The following NUP93 variants were observed in gnomAD, a reference collection of about 807,000 sequenced individuals.
NUP93 encodes nuclear pore complex protein Nup93.
NUP93 carries 55 observed loss-of-function variants against 107.8 expected under a neutral mutation model. The observed-to-expected ratio is 0.51, with a 90% confidence interval of 0.41 to 0.64. NUP93 has a LOEUF of 0.64. Ranked by LOEUF, NUP93 falls within the 30% of genes least tolerant of loss-of-function variation. NUP93 has a pLI of 0.00. For synonymous variants in NUP93, 390 were observed against 397.5 expected, an observed-to-expected ratio of 0.98 and a Z score of 0.22; for missense variants, 937 against 1,044.7, an observed-to-expected ratio of 0.90 and a Z score of 1.42.
At chr16:56,779,203 A>G (rs1261011487) in intron 3 of NUP93, among the ~76,000 whole-genome samples, 3 of 152,196 alleles carry the variant, frequency 2.0e-5, no homozygotes, top group Non-Finnish European at 2.9e-5. Flanking sequence ...AAAGTTCTAT[A>G]TATGGTCACT....
intron 1 of NUP93, among the ~76,000 whole-genome samples, chr16:56,746,528 A>T (rs1282154508): frequency 6.6e-6 from 1 of 152,260 alleles, no homozygotes; most frequent in Non-Finnish European, 1.5e-5. Context: ...GGAACTTCAT[A>T]AAGAATACCA....
chr16:56,733,749 G>A (rs1470879392), intron 1 of NUP93, among the ~76,000 whole-genome samples: 2 of 152,134 alleles, frequency 1.3e-5, no homozygotes, highest in Non-Finnish European at 2.9e-5. Flanking sequence ...AGTCCTCCTA[G>A]CTCACTTATT....
intron 1 of NUP93, among the ~76,000 whole-genome samples, chr16:56,740,214 T>C: frequency 7.2e-6 from 1 of 139,180 alleles, no homozygotes; most frequent in Admixed American, 7.0e-5. Flanking sequence ...GCGGAGAGGC[T>C]CCTCACTTCT....
intron 4 of NUP93, among the ~76,000 whole-genome samples, chr16:56,802,765 T>C (rs1237839223): frequency 5.3e-5 from 8 of 152,220 alleles, no homozygotes; most frequent in African/African-American, 1.9e-4. Flanking sequence ...AAAGCAGGCA[T>C]TGCTAATACT....
At position 56,821,489 on chromosome 16, in the gene NUP93, T is replaced by C; in HGVS notation, c.565-15T>C. On this transcript the variant is annotated splice_polypyrimidine_tract_variant and intron_variant, in intron 6 of 21. Coordinates refer to ENST00000308159, the MANE Select transcript of NUP93 (RefSeq NM_014669.5). Reference sequence around the variant, plus strand: ...ATAGATACTTTGCCATTTACTTTGCTTTTTATCATTTCAGATTTATATCTA... The same window carrying C: ...ATAGATACTTTGCCATTTACTTTGCCTTTTATCATTTCAGATTTATATCTA... 2 of 1,556,522 alleles carry C rather than the reference T, an allele frequency of 1.3e-6. No homozygotes were observed. Among genetic ancestry groups the C allele is most frequent in the East Asian group, 2.2e-5 (1 of 44,618 alleles).
chr16:56,741,818 G>A (rs1961745213), intron 1 of NUP93: 1 of 152,088 alleles, frequency 6.6e-6, no homozygotes. Context: ...CAATATTTGG[G>A]TATGTTACTA....
Position 56,754,156 on chromosome 16 carries a change from A to G in NUP93, c.180-4382A>G, listed in dbSNP as rs115800763. Among the ~76,000 whole-genome samples, 1,478 of 151,318 alleles carry G rather than the reference A, an allele frequency of 9.8e-3. 29 individuals carry two copies. The highest frequency in any genetic ancestry group is 0.034 in the African/African-American group (1,402 of 40,744). On this transcript the variant is annotated intron_variant, in intron 2 of 21. Transcript: ENST00000308159. The stretch of plus-strand genomic sequence containing the variant: ...GAAGGGGGAAGTGCTACGTACTCTT[A>G]AACAACCAAATCTTATGGGAACTCA...
chr16:56,804,625 T>C (rs1450422026), intron 4 of NUP93, among the ~76,000 whole-genome samples: 2 of 152,146 alleles, frequency 1.3e-5, no homozygotes, highest in African/African-American at 4.8e-5. Flanking sequence ...ATGGTTTATG[T>C]GGGCTGGGCA....
intron 1 of NUP93, among the ~76,000 whole-genome samples, chr16:56,733,931 A>G (rs2144427364): frequency 6.6e-6 from 1 of 152,350 alleles, no homozygotes; most frequent in Middle Eastern, 3.4e-3. Flanking sequence ...AACCTTGCCA[A>G]AAATTCCTAC....
Position 56,832,010 on chromosome 16 carries a change from A to G in NUP93, c.1251+3A>G. ...CTGAGGATTACCTGTGGCTGAAGGT[A>G]GGCACTGTTTCCCCTGCCCACATAG... On this transcript the variant is annotated splice_donor_region_variant and intron_variant, in intron 11 of 21. Transcript: ENST00000308159. The G allele has an allele frequency of 6.2e-7, 1 of 1,614,032 alleles. No individual in the cohort carries two copies. Among genetic ancestry groups the G allele is most frequent in the Non-Finnish European group, 8.5e-7 (1 of 1,179,942 alleles).
At position 56,821,640 on chromosome 16, in the gene NUP93, G is replaced by A. The variant is rs556121965; in HGVS notation, c.654+47G>A. ...AGTAGAAACCGGGGTCCAGTGTTCC[G>A]ATGGGCCTAGCAACTTGCCGATTTG... On this transcript the variant is annotated intron_variant, in intron 7 of 21. Coordinates refer to ENST00000308159, the MANE Select transcript of NUP93 (RefSeq NM_014669.5). 2.4e-5 allele frequency: 31 copies of A among 1,273,326 alleles called. No individual in the cohort carries two copies. The African/African-American group carries it at 3.5e-4, about 15-fold the overall frequency. The allele number at this position is 1,273,326 out of a possible 1,614,324, so 78.9% of individuals were successfully genotyped here.
intron 20 of NUP93, among the ~76,000 whole-genome samples, chr16:56,840,341 CAAGTGCAGTGACCGCGGAGT>C (rs1182512685): frequency 6.6e-6 from 1 of 152,206 alleles, no homozygotes; most frequent in Non-Finnish European, 1.5e-5. Flanking sequence ...TCTAAAGACG[CAAGTGCAGTGACCGCGGAGT>C]AAGCTATCAC....
intron 4 of NUP93, 77 bp from the exon 5 acceptor site, chr16:56,805,427 A>C: frequency 6.5e-7 from 1 of 1,540,712 alleles, no homozygotes; most frequent in South Asian, 1.2e-5. Flanking sequence ...GGAGGGCTTT[A>C]GGTTTCTGTT....
chr16:56,832,495 C>A, intron 12 of NUP93, 107 bp downstream of exon 12: 1 of 803,426 alleles, frequency 1.2e-6, no homozygotes, highest in Non-Finnish European at 2.1e-6. Flanking sequence ...GTCTTTCTTC[C>A]AAAACTCCTA....
At chr16:56,788,660 C>T (rs543240196) in intron 3 of NUP93, among the ~76,000 whole-genome samples, 1 of 152,238 alleles carries the variant, frequency 6.6e-6, no homozygotes, top group Non-Finnish European at 1.5e-5. Flanking sequence ...AAGGGCAGAA[C>T]TGGCTTTGCA....
rs1188027635 is a variant in NUP93, at chr16:56,827,044, C to CAAAAAAAAAAAA, written c.795-1919_795-1908dup. ...CTGGGGATGGAATGAGACTCCGTCT[C>CAAAAAAAAAAAA]AAAAAAAAAAAAAAAAAAAAAAAAA... On this transcript the variant is annotated intron_variant, in intron 8 of 21. Transcript: ENST00000308159. 1.0e-2 allele frequency among the ~76,000 whole-genome samples: 533 copies of CAAAAAAAAAAAA among 53,526 alleles called. 48 individuals carry two copies. Among genetic ancestry groups the CAAAAAAAAAAAA allele is most frequent in the Admixed American group, 0.02 (90 of 4,458 alleles). The allele number at this position is 53,526 out of a possible 152,430, so 35.1% of individuals were successfully genotyped here.
intron 7 of NUP93, 33 bp from the exon 8 acceptor site, chr16:56,823,674 A>G: frequency 6.2e-7 from 1 of 1,609,942 alleles, no homozygotes; most frequent in Non-Finnish European, 8.5e-7. Flanking sequence ...CTGGCCCTGC[A>G]GCATTGTCAC....
intron 3 of NUP93, among the ~76,000 whole-genome samples, chr16:56,765,343 T>TA (rs1315143455): frequency 2.0e-5 from 3 of 152,260 alleles, no homozygotes; most frequent in African/African-American, 7.2e-5. Context: ...ATGTTCATGA[T>TA]ACCCTTTCTT....
chr16:56,779,807 TG>T (rs1962480015), intron 3 of NUP93, among the ~76,000 whole-genome samples: 1 of 152,180 alleles, frequency 6.6e-6, no homozygotes, highest in African/African-American at 2.4e-5. Context: ...AACAGTGACT[TG>T]GTGAAGTTTT....
Sources: allele counts gnomAD v4.1 joint callset (sites outside exome capture counted in the v4.1 genomes callset), GRCh38; gene constraint gnomAD v4.1.1; transcripts MANE v1.5; gene names NCBI Gene and HGNC (gene_info 2026-07-23, HGNC 2026-07-21).